Variants in CLASP1 observed in about 807,000 individuals in gnomAD.
CLASP1 encodes the protein cytoplasmic linker associated protein 1, also known as CLIP-associating protein 1.
A neutral mutation model predicts 192.3 loss-of-function variants in CLASP1; 38 were observed. The observed-to-expected ratio is 0.20, with a 90% CI of 0.15 to 0.26. The LOEUF (loss-of-function observed/expected upper bound fraction) is 0.26, where lower values mean the gene tolerates loss of function less well. Among genes scored for constraint, CLASP1 ranks in the 10% least tolerant of loss-of-function variants. CLASP1 has a pLI of 1.00. For synonymous variants in CLASP1, 691 were observed against 712.8 expected (o/e 0.97, Z 0.49); for missense variants, 1,433 against 1,932.5 (o/e 0.74, Z 4.85).
intron 1 of CLASP1, among the ~76,000 whole-genome samples, chr2:121,619,544 C>G (rs2066991964): frequency 6.6e-6 from 1 of 151,984 alleles, no homozygotes; most frequent in Non-Finnish European, 1.5e-5. Context: ...AAACAAACAA[C>G]AACAACAAAA....
exon 25 of CLASP1, chr2:121,407,692 A>G (rs749203542): frequency 1.1e-5 from 18 of 1,613,982 alleles, no homozygotes; most frequent in Admixed American, 1.7e-5. Flanking sequence ...CATACGGCTC[A>G]TATCTCCTCC....
intron 29 of CLASP1, 45 bp from the exon 31 acceptor site, chr2:121,397,328 C>T: frequency 1.3e-6 from 2 of 1,545,060 alleles, no homozygotes; most frequent in South Asian, 2.3e-5. Flanking sequence ...CTTGATGAAT[C>T]TTTGAACACA....
At chr2:121,500,413 GAAAA>G (rs1306285861) in intron 8 of CLASP1, among the ~76,000 whole-genome samples, 1 of 132,572 alleles carries the variant, frequency 7.5e-6, no homozygotes, top group African/African-American at 2.8e-5. Context: ...AAGAAAGAAA[GAAAA>G]AAAAGAAAAG....
rs750325275 is a variant in CLASP1, at chr2:121,530,895, G to C, written c.196-570C>G. The C allele has an allele frequency of 1.4e-6, 1 of 693,922 alleles. No homozygotes were observed. The highest frequency in any genetic ancestry group is 2.0e-5 in the Admixed American group (1 of 49,704). 43.0% of individuals were successfully genotyped at this position (693,922 alleles called of 1,614,324 possible). ...TTTCTATTATAACCATCCTTTTCTT[G>C]GGGTTGCGCTACTGTCCAATGAGCG... On this transcript the variant is annotated intron_variant, in intron 2 of 39. Coordinates refer to ENST00000263710, the Ensembl canonical transcript of CLASP1.
chr2:121,432,395 G>C (rs1192857865), intron 19 of CLASP1, among the ~76,000 whole-genome samples: 5 of 152,064 alleles, frequency 3.3e-5, no homozygotes, highest in African/African-American at 1.2e-4. Flanking sequence ...CTGGGATTAC[G>C]GGCAGGAGCC....
intron 1 of CLASP1, among the ~76,000 whole-genome samples, chr2:121,645,848 T>C (rs1309208844): frequency 3.3e-5 from 5 of 152,096 alleles, no homozygotes; most frequent in African/African-American, 1.2e-4. Flanking sequence ...AGGAAAATCA[T>C]TGTGTGGCAG....
chr2:121,406,493 T>A (rs1306482664), intron 25 of CLASP1, among the ~76,000 whole-genome samples: 2 of 152,234 alleles, frequency 1.3e-5, no homozygotes, highest in Non-Finnish European at 2.9e-5. Context: ...TTTTATGTTT[T>A]AACCTGAACT....
chr2:121,576,276 A>G (rs1044116384), intron 2 of CLASP1, among the ~76,000 whole-genome samples: 6 of 152,198 alleles, frequency 3.9e-5, no homozygotes, highest in Admixed American at 3.9e-4. Flanking sequence ...AGCCATGGTA[A>G]ATGTTACAAG....
chr2:121,460,009 C>T (rs1415667242), exon 12 of CLASP1: 3 of 1,613,232 alleles, frequency 1.9e-6, no homozygotes, highest in East Asian at 2.2e-5. Flanking sequence ...CCCGCACTAC[C>T]TGAGACCGCA....
chr2:121,489,725 C>A (rs1437446132), intron 8 of CLASP1, among the ~76,000 whole-genome samples: 3 of 152,130 alleles, frequency 2.0e-5, no homozygotes, highest in Admixed American at 6.6e-5. Flanking sequence ...TTTTTGTGAG[C>A]AATACTTCTT....
intron 2 of CLASP1, among the ~76,000 whole-genome samples, chr2:121,557,041 G>T (rs1469981789): frequency 2.0e-5 from 3 of 152,156 alleles, no homozygotes; most frequent in Non-Finnish European, 4.4e-5. Context: ...AGTGGTCTCT[G>T]AGACTCTGCA....
At chr2:121,630,701 T>C (rs1005036898) in intron 1 of CLASP1, among the ~76,000 whole-genome samples, 1 of 148,190 alleles carries the variant, frequency 6.7e-6, no homozygotes, top group Non-Finnish European at 1.5e-5. Flanking sequence ...CTGTCTCTAC[T>C]GAAAATAAAA....
At position 121,647,083 on chromosome 2, in the gene CLASP1, A is replaced by G. The variant is rs146000928; in HGVS notation, c.-286+2289T>C. 9.0e-5 allele frequency among the ~76,000 whole-genome samples: 13 copies of G among 144,468 alleles called. No homozygotes were observed. In the East Asian group the frequency reaches 2.3e-3, roughly 26 times the overall value. The allele number at this position is 144,468 out of a possible 152,430, so 94.8% of individuals were successfully genotyped here. ...AAATCTAAATCTAAAACCAGTAAACATGGGCCGAGCGCGATTGCTCACGCC... is the reference window on the plus strand; with the variant it reads ...AAATCTAAATCTAAAACCAGTAAACGTGGGCCGAGCGCGATTGCTCACGCC... On this transcript the variant is annotated intron_variant, in intron 1 of 39. Coordinates refer to ENST00000263710, the Ensembl canonical transcript of CLASP1.
At chr2:121,404,294 C>A (rs2076582586) in intron 26 of CLASP1, 77 bp downstream of exon 27, 2 of 1,563,254 alleles carry the variant, frequency 1.3e-6, no homozygotes, top group South Asian at 2.4e-5. Flanking sequence ...AATTCTCTCT[C>A]ATTCTTGGGT....
At chr2:121,431,275 TATAA>T (rs918553261) in intron 19 of CLASP1, among the ~76,000 whole-genome samples, 13 of 152,194 alleles carry the variant, frequency 8.5e-5, no homozygotes, top group African/African-American at 2.7e-4. Flanking sequence ...AGGAAAAACT[TATAA>T]ATAAACTCTA....
chr2:121,387,719 G>A (rs757756717), intron 31 of CLASP1, 44 bp downstream of exon 32: 2 of 1,603,184 alleles, frequency 1.2e-6, no homozygotes, highest in South Asian at 1.1e-5. Flanking sequence ...CTACGCAGAG[G>A]TCATGGACAT....
chr2:121,470,632 G>GCCA (rs991473024), intron 8 of CLASP1: 1 of 450,978 alleles, frequency 2.2e-6, no homozygotes, highest in African/African-American at 2.0e-5. Flanking sequence ...ATGCAATATT[G>GCCA]CCAATACTTT....
In CLASP1 at chr2:121,503,329, T is replaced by C. The variant is rs534560593; in HGVS notation, c.645-95A>G. The C allele has an allele frequency of 9.3e-5, 67 of 723,358 alleles. No individual in the cohort carries two copies. The African/African-American group carries it at 9.5e-4, about 10-fold the overall frequency. 44.8% of individuals were successfully genotyped at this position (723,358 alleles called of 1,614,324 possible). A position where few individuals can be genotyped will look rare whatever the true frequency, so the allele number is the denominator to read the frequency against. On this transcript the variant is annotated intron_variant, in intron 7 of 39. Transcript: ENST00000263710. Reference sequence around the variant, plus strand: ...ATGTGAAGTTGATCCCCACTCCCCATCAAAAAAAACAATGGTACAGACCCA... The same window carrying C: ...ATGTGAAGTTGATCCCCACTCCCCACCAAAAAAAACAATGGTACAGACCCA...
intron 2 of CLASP1, among the ~76,000 whole-genome samples, chr2:121,567,726 T>A (rs2059628549): frequency 1.3e-5 from 2 of 152,220 alleles, no homozygotes; most frequent in East Asian, 3.9e-4. Flanking sequence ...GGCAAATAAA[T>A]CTCTACCCTA....
Sources: allele counts gnomAD v4.1 joint callset (sites outside exome capture counted in the v4.1 genomes callset), GRCh38; gene constraint gnomAD v4.1.1; transcripts MANE v1.5; gene names NCBI Gene and HGNC (gene_info 2026-07-23, HGNC 2026-07-21).